TMEM106B: variants seen among roughly 807,000 people sequenced by gnomAD.
TMEM106B encodes the protein transmembrane protein 106B.
A neutral mutation model predicts 31.1 loss-of-function variants in TMEM106B; 15 were observed. The observed-to-expected ratio is 0.48, with a 90% CI of 0.32 to 0.74. TMEM106B has a LOEUF of 0.74. TMEM106B is among the 30% of genes least tolerant of loss of function. The pLI, the probability that TMEM106B is intolerant of heterozygous loss-of-function variation, is 0.03. For missense variants in TMEM106B, 283 were observed against 327.3 expected, an observed-to-expected ratio of 0.86 and a Z score of 1.04; for synonymous variants, 126 against 112.5, an observed-to-expected ratio of 1.12 and a Z score of -0.76.
rs71027484 is a variant in TMEM106B at position 12,233,238 on chromosome 7, T to TC, written c.*1263_*1264insC. ...TATATTTTCAGTATCATTTTTCATT[T>TC]TTTTTTTTTTTTGTCTTTTCACTTA... On this transcript the variant is annotated 3_prime_UTR_variant, in exon 8 of 8. Coordinates refer to ENST00000396668, the MANE Select transcript of TMEM106B (RefSeq NM_001134232.2). 1 of 94,946 alleles carries TC rather than the reference T, an allele frequency of 1.1e-5. No individual in the cohort carries two copies. Among genetic ancestry groups the TC allele is most frequent in the African/African-American group, 4.0e-5 (1 of 24,880 alleles). The allele number at this position is 94,946 out of a possible 1,614,324, so 5.9% of individuals were successfully genotyped here.
intron 4 of TMEM106B, among the ~76,000 whole-genome samples, chr7:12,227,524 T>C (rs1562707923): frequency 6.6e-6 from 1 of 152,042 alleles, no homozygotes; most frequent in Non-Finnish European, 1.5e-5. Flanking sequence ...CAGTACATTT[T>C]CCCATGTTAA....
rs994276973 is a variant in TMEM106B at position 12,237,960 on chromosome 7, G to A, written c.*5985G>A. 1.3e-5 allele frequency: 2 copies of A among 152,212 alleles called. No individual in the cohort carries two copies. Among genetic ancestry groups the A allele is most frequent in the Non-Finnish European group, 2.9e-5 (2 of 68,104 alleles). 9.4% of individuals were successfully genotyped at this position (152,212 alleles called of 1,614,324 possible). A position where few individuals can be genotyped will look rare whatever the true frequency, so the allele number is the denominator to read the frequency against. On this transcript the variant is annotated 3_prime_UTR_variant, in exon 8 of 8. Coordinates refer to ENST00000396668, the MANE Select transcript of TMEM106B (RefSeq NM_001134232.2). Reference sequence around the variant, plus strand: ...TGTTGTTTGCTGATAGATCCATGTAGTGGTTACTAAAGTTGGGGTGGCTAT... The same window carrying A: ...TGTTGTTTGCTGATAGATCCATGTAATGGTTACTAAAGTTGGGGTGGCTAT...
chr7:12,224,902 TACATGTGC>T (rs1209627982), intron 4 of TMEM106B, among the ~76,000 whole-genome samples: 1 of 151,836 alleles, frequency 6.6e-6, no homozygotes, highest in Non-Finnish European at 1.5e-5. Flanking sequence ...AGTTCTAGGG[TACATGTGC>T]ACAGCATGCA....
At chr7:12,218,585 A>G in intron 3 of TMEM106B, 64 bp downstream of exon 3, 4 of 1,348,804 alleles carry the variant, frequency 3.0e-6, no homozygotes, top group East Asian at 2.5e-5. Context: ...ATTTTTTCAA[A>G]TTATGTATAA....
intron 1 of TMEM106B, chr7:12,214,244 AT>A: frequency 6.6e-6 from 1 of 152,328 alleles, no homozygotes; most frequent in Admixed American, 6.5e-5. Flanking sequence ...AGCCTGGAAT[AT>A]TTTAAGGAGT....
At chr7:12,214,537 C>T (rs189232140) in intron 1 of TMEM106B, 29 of 388,928 alleles carry the variant, frequency 7.5e-5, no homozygotes, top group African/African-American at 5.7e-4. Flanking sequence ...TACCTTACAT[C>T]TATTGATTTA....
Position 12,238,691 on chromosome 7 carries a change from A to G in TMEM106B, c.*6716A>G, listed in dbSNP as rs1414628829. On this transcript the variant is annotated 3_prime_UTR_variant, in exon 8 of 8. Transcript: ENST00000396668. The stretch of plus-strand genomic sequence containing the variant: ...AGAGGCATGAAAACAACATTAATCT[A>G]TTTGTACATCATCAGAGCTGTTGGG... 1 of 152,118 alleles carries G rather than the reference A, an allele frequency of 6.6e-6. No homozygotes were observed. The highest frequency in any genetic ancestry group is 2.4e-5 in the African/African-American group (1 of 41,422). 9.4% of individuals were successfully genotyped at this position (152,118 alleles called of 1,614,324 possible). A position where few individuals can be genotyped will look rare whatever the true frequency, so the allele number is the denominator to read the frequency against.
At chr7:12,215,596 A>T (rs1028678085) in intron 2 of TMEM106B, 1 of 337,016 alleles carries the variant, frequency 3.0e-6, no homozygotes. Flanking sequence ...TATTTTTTTA[A>T]TAATAAGGAT....
Position 12,237,278 on chromosome 7 carries a change from T to G in TMEM106B, c.*5303T>G, listed in dbSNP as rs979100916. ...ATCACTTATGTATTTTGGCTATGCT[T>G]TTGAAATTTCCTTAACATAAACAAA... is the stretch of plus-strand genomic sequence containing the variant. On this transcript the variant is annotated 3_prime_UTR_variant, in exon 8 of 8. Transcript: ENST00000396668. 1 of 152,176 alleles carries G rather than the reference T, an allele frequency of 6.6e-6. No individual in the cohort carries two copies. The highest frequency in any genetic ancestry group is 2.4e-5 in the African/African-American group (1 of 41,458). The allele number at this position is 152,176 out of a possible 1,614,324, so 9.4% of individuals were successfully genotyped here. A position where few individuals can be genotyped will look rare whatever the true frequency, so the allele number is the denominator to read the frequency against.
rs890257542 is a variant in TMEM106B at position 12,242,524 on chromosome 7, T to C, written c.*10549T>C. The C allele has an allele frequency of 2.0e-5, 3 of 152,254 alleles. No individual in the cohort carries two copies. Among genetic ancestry groups the C allele is most frequent in the Admixed American group, 6.5e-5 (1 of 15,278 alleles). The allele number at this position is 152,254 out of a possible 1,614,324, so 9.4% of individuals were successfully genotyped here. On this transcript the variant is annotated 3_prime_UTR_variant, in exon 8 of 8. Coordinates refer to ENST00000396668, the MANE Select transcript of TMEM106B (RefSeq NM_001134232.2). ...CCACACTGATATCTGTAACAACCTA[T>C]GTAAAGTTAAGATTAAGGTTAAATC...
Position 12,231,984 on chromosome 7 carries a change from A to T in TMEM106B, c.*9A>T. 3 of 1,608,808 alleles carry T rather than the reference A, an allele frequency of 1.9e-6. No individual in the cohort carries two copies. The highest frequency in any genetic ancestry group is 2.6e-6 in the Non-Finnish European group (3 of 1,176,404). Reference sequence around the variant, plus strand: ...TTCAGCCACAACAGTAAAAACTGGAAGAGATGGATTTAAAGAAGAAATATC... The same window carrying T: ...TTCAGCCACAACAGTAAAAACTGGATGAGATGGATTTAAAGAAGAAATATC... On this transcript the variant is annotated 3_prime_UTR_variant, in exon 8 of 8. Transcript: ENST00000396668.
intron 3 of TMEM106B, among the ~76,000 whole-genome samples, chr7:12,220,811 T>G (rs1373916348): frequency 1.3e-5 from 2 of 152,268 alleles, no homozygotes; most frequent in South Asian, 4.1e-4. Context: ...TGTGCCAATG[T>G]TTGCAGAAGC....
chr7:12,222,355 A>G (rs1024309967), intron 3 of TMEM106B, among the ~76,000 whole-genome samples: 10 of 152,204 alleles, frequency 6.6e-5, no homozygotes, highest in Admixed American at 3.3e-4. Context: ...ATGAAATACT[A>G]GATGGAATGT....
At position 12,240,474 on chromosome 7, in the gene TMEM106B, C is replaced by T. The variant is rs1029681588; in HGVS notation, c.*8499C>T. ...TCAACTTTTTTCAAACAATTTTTGT[C>T]AGCTTAGAGGTTGTGTTTTAATTAC... is the stretch of plus-strand genomic sequence containing the variant. On this transcript the variant is annotated 3_prime_UTR_variant, in exon 8 of 8. Transcript: ENST00000396668. The T allele has an allele frequency of 2.0e-5, 3 of 151,960 alleles. No individual in the cohort carries two copies. Among genetic ancestry groups the T allele is most frequent in the African/African-American group, 7.3e-5 (3 of 41,378 alleles). 9.4% of individuals were successfully genotyped at this position (151,960 alleles called of 1,614,324 possible). A position where few individuals can be genotyped will look rare whatever the true frequency, so the allele number is the denominator to read the frequency against.
intron 4 of TMEM106B, among the ~76,000 whole-genome samples, chr7:12,228,307 C>T (rs1045784149): frequency 4.0e-5 from 6 of 151,660 alleles, no homozygotes; most frequent in African/African-American, 1.5e-4. Flanking sequence ...TCATATCTTT[C>T]TACATATTCC....
At position 12,233,242 on chromosome 7, in the gene TMEM106B, T is replaced by TTG. The variant is rs1782063166; in HGVS notation, c.*1268_*1269insGT. The TTG allele has an allele frequency of 6.6e-6, 1 of 151,300 alleles. No homozygotes were observed. The highest frequency in any genetic ancestry group is 2.4e-5 in the African/African-American group (1 of 41,326). 9.4% of individuals were successfully genotyped at this position (151,300 alleles called of 1,614,324 possible). A position where few individuals can be genotyped will look rare whatever the true frequency, so the allele number is the denominator to read the frequency against. On this transcript the variant is annotated 3_prime_UTR_variant, in exon 8 of 8. Coordinates refer to ENST00000396668, the MANE Select transcript of TMEM106B (RefSeq NM_001134232.2). ...TTTTCAGTATCATTTTTCATTTTTTTTTTTTTTTGTCTTTTCACTTACCAA... is the reference window on the plus strand; with the variant it reads ...TTTTCAGTATCATTTTTCATTTTTTTTGTTTTTTTTGTCTTTTCACTTACCAA...
intron 1 of TMEM106B, among the ~76,000 whole-genome samples, chr7:12,211,803 C>A (rs1297963403): frequency 6.6e-6 from 1 of 152,226 alleles, no homozygotes; most frequent in East Asian, 1.9e-4. Flanking sequence ...CGCTTGTTTC[C>A]TTAGTTCTCA....
chr7:12,225,739 G>C (rs1022046476), intron 4 of TMEM106B, among the ~76,000 whole-genome samples: 1 of 151,878 alleles, frequency 6.6e-6, no homozygotes, highest in Non-Finnish European at 1.5e-5. Flanking sequence ...TAAGTTCTTT[G>C]TAGATCCTGG....
chr7:12,227,289 T>C (rs1781919755), intron 4 of TMEM106B, among the ~76,000 whole-genome samples: 1 of 152,096 alleles, frequency 6.6e-6, no homozygotes, highest in African/African-American at 2.4e-5. Flanking sequence ...GTAGTACTAC[T>C]TTTTAGTAAC....
Sources: gnomAD v4.1 joint callset for allele counts (sites outside exome capture counted in the v4.1 genomes callset) on GRCh38, gnomAD v4.1.1 for gene constraint, MANE v1.5 for transcripts, NCBI Gene and HGNC (gene_info 2026-07-23, HGNC 2026-07-21) for gene names.